MAF: variants seen among roughly 807,000 people sequenced by gnomAD.
MAF encodes the protein transcription factor Maf.
A neutral mutation model predicts 22.0 loss-of-function variants in MAF; 10 were observed. The observed-to-expected ratio is 0.45, with a 90% CI of 0.28 to 0.77. The LOEUF is 0.77. Ranked by LOEUF, MAF falls within the 30% of genes least tolerant of loss-of-function variation. The pLI, the probability that MAF is intolerant of heterozygous loss-of-function variation, is 0.12. For missense variants in MAF, 544 were observed against 548.4 expected (o/e 0.99, Z 0.08); for synonymous variants, 337 against 255.8 (o/e 1.32, Z -3.03).
At chr16:79,478,397 G>A in the MAF span, among the ~76,000 whole-genome samples, 26 of 152,250 alleles carry the variant, frequency 1.7e-4, no homozygotes, top group African/African-American at 6.0e-4. Context: ...GACCAGAATG[G>A]GAGTCCAGGC....
At chr16:79,369,413 T>C in the MAF span, among the ~76,000 whole-genome samples, 2 of 152,218 alleles carry the variant, frequency 1.3e-5, no homozygotes, top group African/African-American at 4.8e-5. Context: ...CACTATCTGC[T>C]ATGTTTAGAC....
At chr16:79,399,915 C>T in the MAF span, among the ~76,000 whole-genome samples, 2 of 152,132 alleles carry the variant, frequency 1.3e-5, no homozygotes, top group Non-Finnish European at 2.9e-5. Context: ...CCACACTAGT[C>T]GAAGCTCACG....
the MAF span, chr16:79,213,023 G>GTACTT: frequency 1.1e-5 from 1 of 91,210 alleles, no homozygotes; most frequent in Non-Finnish European, 2.8e-5. Context: ...CAATTAGCAA[G>GTACTT]TACTTAGTGA....
the MAF span, among the ~76,000 whole-genome samples, chr16:79,265,641 T>G: frequency 2.6e-5 from 4 of 152,190 alleles, no homozygotes; most frequent in Admixed American, 2.6e-4. Flanking sequence ...ACAGAACAAT[T>G]AGAACTATAT....
rs1002079540 is a variant in MAF, at chr16:79,600,248, G to A, written c.-346C>T. ...CTGCGGTGGCGGCGGTGGTGGCTGC[G>A]GCGGCGAAGCTGGAGGAGCCCGGCC... is the stretch of plus-strand genomic sequence containing the variant. On this transcript the variant is annotated 5_prime_UTR_variant, in exon 1 of 2. Coordinates refer to ENST00000326043, the MANE Select transcript of MAF (RefSeq NM_005360.5). 47 of 259,424 alleles carry A rather than the reference G, an allele frequency of 1.8e-4. No individual in the cohort carries two copies. The highest frequency in any genetic ancestry group is 2.3e-4 in the Non-Finnish European group (31 of 131,996). 16.1% of individuals were successfully genotyped at this position (259,424 alleles called of 1,614,324 possible). A position where few individuals can be genotyped will look rare whatever the true frequency, so the allele number is the denominator to read the frequency against.
chr16:79,570,569 G>A, the MAF span, among the ~76,000 whole-genome samples: 2 of 152,148 alleles, frequency 1.3e-5, no homozygotes, highest in South Asian at 4.1e-4. Flanking sequence ...TGATACTCCT[G>A]TGTTGAAATC....
At chr16:79,501,193 T>C in the MAF span, among the ~76,000 whole-genome samples, 1 of 152,162 alleles carries the variant, frequency 6.6e-6, no homozygotes, top group Non-Finnish European at 1.5e-5. Context: ...CAAGTCTTGG[T>C]GCTCTTTGGG....
intron 1 of MAF, among the ~76,000 whole-genome samples, chr16:79,586,650 G>T (rs909428489): frequency 1.3e-5 from 2 of 152,114 alleles, no homozygotes; most frequent in Non-Finnish European, 2.9e-5. Context: ...AGCTTTCTAT[G>T]GTTCAAAAAA....
In MAF at chr16:79,599,904, C is replaced by T; in HGVS notation, c.-2G>A. 1 of 1,526,394 alleles carries T rather than the reference C, an allele frequency of 6.6e-7. No homozygotes were observed. Among genetic ancestry groups the T allele is most frequent in the Non-Finnish European group, 8.7e-7 (1 of 1,151,816 alleles). 94.6% of individuals were successfully genotyped at this position (1,526,394 alleles called of 1,614,324 possible). On this transcript the variant is annotated 5_prime_UTR_variant, in exon 1 of 2. Transcript: ENST00000326043. ...GCTCATTGCCAGTTCTGATGCCATT[C>T]TCCTGCCGCCGCCGCCGCCGCCGCC...
the MAF span, among the ~76,000 whole-genome samples, chr16:79,288,761 G>A: frequency 2.5e-4 from 38 of 152,206 alleles, no homozygotes; most frequent in African/African-American, 8.4e-4. Context: ...ATAGGGTCTC[G>A]CTGTGTCACC....
the MAF span, among the ~76,000 whole-genome samples, chr16:79,457,944 T>C: frequency 6.6e-6 from 1 of 151,856 alleles, no homozygotes; most frequent in Middle Eastern, 3.4e-3. Context: ...ATGTTGACTG[T>C]AGAACATTTT....
chr16:79,363,446 C>G, the MAF span, among the ~76,000 whole-genome samples: 1 of 152,202 alleles, frequency 6.6e-6, no homozygotes, highest in Non-Finnish European at 1.5e-5. Flanking sequence ...TCATCTAACA[C>G]AAAACCAATT....
At chr16:79,535,688 A>G in the MAF span, among the ~76,000 whole-genome samples, 15 of 147,522 alleles carry the variant, frequency 1.0e-4, no homozygotes, top group African/African-American at 3.5e-4. Context: ...TCCTGGGTTC[A>G]AGCAGTTCTC....
At chr16:79,435,662 T>C in the MAF span, among the ~76,000 whole-genome samples, 1 of 152,188 alleles carries the variant, frequency 6.6e-6, no homozygotes, top group African/African-American at 2.4e-5. Context: ...TCAGGGCATT[T>C]CTATGTTCTC....
chr16:79,380,994 C>T, the MAF span, among the ~76,000 whole-genome samples: 3 of 152,240 alleles, frequency 2.0e-5, no homozygotes, highest in African/African-American at 7.2e-5. Flanking sequence ...CCTCCCATAC[C>T]TGGGATTAGA....
the MAF span, among the ~76,000 whole-genome samples, chr16:79,330,040 A>T: frequency 6.6e-6 from 1 of 152,224 alleles, no homozygotes; most frequent in Non-Finnish European, 1.5e-5. Flanking sequence ...ATTATCAAAG[A>T]AATTTCAACG....
chr16:79,294,844 T>C, the MAF span, among the ~76,000 whole-genome samples: 2 of 152,184 alleles, frequency 1.3e-5, no homozygotes, highest in East Asian at 1.9e-4. Context: ...TACAACAGCA[T>C]GGCATCAACT....
the MAF span, among the ~76,000 whole-genome samples, chr16:79,540,855 C>T: frequency 6.6e-6 from 1 of 150,992 alleles, no homozygotes; most frequent in African/African-American, 2.5e-5. Context: ...AATTTAGCGG[C>T]ATCTGCAGTG....
the MAF span, among the ~76,000 whole-genome samples, chr16:79,366,855 C>G: frequency 6.6e-6 from 1 of 152,218 alleles, no homozygotes; most frequent in Admixed American, 6.5e-5. Context: ...TAGCCTGGCT[C>G]ATACAGACTC....
Sources: gnomAD v4.1 joint callset for allele counts (sites outside exome capture counted in the v4.1 genomes callset) on GRCh38, gnomAD v4.1.1 for gene constraint, MANE v1.5 for transcripts, NCBI Gene and HGNC (gene_info 2026-07-23, HGNC 2026-07-21) for gene names.